The following PCDH17 variants were observed in gnomAD, a reference collection of about 807,000 sequenced individuals.
PCDH17 encodes protocadherin 17.
In PCDH17, 21 loss-of-function variants were observed where a neutral mutation model predicts 67.7. The observed-to-expected ratio is 0.31, with a 90% CI of 0.22 to 0.45. The LOEUF is 0.45. Among genes scored for constraint, PCDH17 ranks in the 20% least tolerant of loss-of-function variants. The probability of loss-of-function intolerance (pLI) is 1.00; values close to 1 mark genes in which losing one functional copy is unlikely to be tolerated. For synonymous variants in PCDH17, 701 were observed against 656.7 expected, an observed-to-expected ratio of 1.07 and a Z score of -1.03; for missense variants, 1,471 against 1,564.8, an observed-to-expected ratio of 0.94 and a Z score of 1.01.
chr13:57,725,525 A>G lies in PCDH17; in HGVS notation c.*231A>G. On this transcript the variant is annotated 3_prime_UTR_variant, in exon 4 of 4. Coordinates refer to ENST00000377918, the MANE Select transcript of PCDH17 (RefSeq NM_001040429.3). Reference sequence around the variant, plus strand: ...AACTTGTATTAGGACAGAATTAATGATGCTTAAAGAGAAAAGAAAAAAAGA... The same window carrying G: ...AACTTGTATTAGGACAGAATTAATGGTGCTTAAAGAGAAAAGAAAAAAAGA... The G allele has an allele frequency of 2.3e-6, 1 of 441,830 alleles. No homozygotes were observed. Among genetic ancestry groups the G allele is most frequent in the South Asian group, 4.9e-5 (1 of 20,272 alleles). The allele number at this position is 441,830 out of a possible 1,614,324, so 27.4% of individuals were successfully genotyped here. A position where few individuals can be genotyped will look rare whatever the true frequency, so the allele number is the denominator to read the frequency against.
chr13:57,654,743 T>C (rs1385767361), intron 1 of PCDH17, among the ~76,000 whole-genome samples: 2 of 152,058 alleles, frequency 1.3e-5, no homozygotes, highest in African/African-American at 4.8e-5. Flanking sequence ...ATTTGAGGTA[T>C]AAATGTCTAC....
chr13:57,639,884 T>C (rs1954869217), intron 1 of PCDH17, among the ~76,000 whole-genome samples: 1 of 151,964 alleles, frequency 6.6e-6, no homozygotes, highest in African/African-American at 2.4e-5. Flanking sequence ...TGAGAAAATT[T>C]ACATTACCAC....
At chr13:57,649,584 C>T (rs181448907) in intron 1 of PCDH17, among the ~76,000 whole-genome samples, 1 of 152,184 alleles carries the variant, frequency 6.6e-6, no homozygotes, top group African/African-American at 2.4e-5. Flanking sequence ...TGTCATTTGA[C>T]ATAAAATTAT....
chr13:57,694,361 T>A (rs1955587074), intron 3 of PCDH17, among the ~76,000 whole-genome samples: 1 of 151,160 alleles, frequency 6.6e-6, no homozygotes, highest in Non-Finnish European at 1.5e-5. Flanking sequence ...AAAGAGCAAT[T>A]GTTAGAATCC....
At chr13:57,682,503 T>A (rs1198118320) in intron 3 of PCDH17, among the ~76,000 whole-genome samples, 1 of 151,790 alleles carries the variant, frequency 6.6e-6, no homozygotes, top group Non-Finnish European at 1.5e-5. Flanking sequence ...ACTTTTAACC[T>A]TGGCCAACAA....
Position 57,728,472 on chromosome 13 carries a change from T to C in PCDH17, c.*3178T>C, listed in dbSNP as rs1182631090. 7.5e-6 allele frequency: 1 copy of C among 134,128 alleles called. No homozygotes were observed. The highest frequency in any genetic ancestry group is 1.6e-5 in the Non-Finnish European group (1 of 63,916). 8.3% of individuals were successfully genotyped at this position (134,128 alleles called of 1,614,324 possible). On this transcript the variant is annotated 3_prime_UTR_variant, in exon 4 of 4. Transcript: ENST00000377918. ...AGAAAAAAAAATCACTTCATGGAAA[T>C]TTCAGTAAGAAACCCAAACTTCTAA...
chr13:57,648,539 T>G (rs1325437276), intron 1 of PCDH17, among the ~76,000 whole-genome samples: 1 of 151,946 alleles, frequency 6.6e-6, no homozygotes, highest in East Asian at 1.9e-4. Context: ...GGAACAAAAT[T>G]TGAATAAATA....
chr13:57,651,316 A>C (rs145779916), intron 1 of PCDH17, among the ~76,000 whole-genome samples: 1 of 151,918 alleles, frequency 6.6e-6, no homozygotes, highest in African/African-American at 2.4e-5. Flanking sequence ...GGATATATTA[A>C]AATTCAGTTA....
chr13:57,673,586 T>A (rs2138035092), intron 3 of PCDH17, among the ~76,000 whole-genome samples: 1 of 152,062 alleles, frequency 6.6e-6, no homozygotes, highest in Non-Finnish European at 1.5e-5. Context: ...TTAAAAGAAA[T>A]GCTGCTGCAA....
intron 1 of PCDH17, among the ~76,000 whole-genome samples, chr13:57,650,218 T>TGTG (rs1955018327): frequency 7.3e-6 from 1 of 137,480 alleles, no homozygotes. Flanking sequence ...GGACCCTTGA[T>TGTG]TGTGTGTGTG....
At chr13:57,711,380 C>G (rs1253808523) in intron 3 of PCDH17, among the ~76,000 whole-genome samples, 1 of 151,778 alleles carries the variant, frequency 6.6e-6, no homozygotes, top group Non-Finnish European at 1.5e-5. Context: ...TAAATTAAGC[C>G]TTATTTTATG....
chr13:57,686,168 T>C (rs367589831), intron 3 of PCDH17, among the ~76,000 whole-genome samples: 1 of 152,066 alleles, frequency 6.6e-6, no homozygotes, highest in African/African-American at 2.4e-5. Flanking sequence ...TTGTGACAAA[T>C]GTACCATGCA....
intron 3 of PCDH17, among the ~76,000 whole-genome samples, chr13:57,703,553 A>G (rs2138078756): frequency 6.6e-6 from 1 of 152,214 alleles, no homozygotes; most frequent in Middle Eastern, 3.4e-3. Flanking sequence ...ACTTTCTATT[A>G]TGTTTTATTG....
chr13:57,718,672 AT>A lies in PCDH17; in HGVS notation c.2798-5938del, dbSNP rs1955845556. Among the ~76,000 whole-genome samples, 3 of 152,150 alleles carry A rather than the reference AT, an allele frequency of 2.0e-5. No individual in the cohort carries two copies. In the East Asian group the frequency reaches 5.8e-4, roughly 29 times the overall value. Reference sequence around the variant, plus strand: ...AGTGTCAGTTCACAGGATGTTGTAAATTATGTCAACTCACTGAAAGAAAAAT... The same window carrying A: ...AGTGTCAGTTCACAGGATGTTGTAAATATGTCAACTCACTGAAAGAAAAAT... On this transcript the variant is annotated intron_variant, in intron 3 of 3. Coordinates refer to ENST00000377918, the MANE Select transcript of PCDH17 (RefSeq NM_001040429.3).
intron 3 of PCDH17, among the ~76,000 whole-genome samples, chr13:57,711,379 C>T (rs1019272558): frequency 2.1e-4 from 32 of 151,844 alleles, no homozygotes; most frequent in African/African-American, 6.7e-4. Context: ...GTAAATTAAG[C>T]CTTATTTTAT....
In PCDH17 at chr13:57,633,304, C is replaced by G; in HGVS notation, c.758C>G (p.Pro253Arg). ...GCGCCATCCTACTTGGTGGAACTGC[C>G]CGAGAACGCTCCGCTGGGTACAGTG... ...FEAPSYLVEL[P>R]ENAPLGTVVI... The change falls in exon 1 of 4, where the codon CCC (proline) becomes CGC (arginine). Residue 253 changes from proline to arginine, a missense_variant. Physicochemically the swap from Pro to Arg is moderately radical, Grantham distance 103 (BLOSUM62 -2). Coordinates refer to ENST00000377918, the MANE Select transcript of PCDH17 (RefSeq NM_001040429.3). The surrounding 1 kb of genome is among the most constrained non-coding windows in gnomAD (Gnocchi z 6.2). 1 of 1,613,280 alleles carries G rather than the reference C, an allele frequency of 6.2e-7. No individual in the cohort carries two copies. The highest frequency in any genetic ancestry group is 1.1e-5 in the South Asian group (1 of 91,084).
At chr13:57,722,629 A>G (rs1955880388) in intron 3 of PCDH17, among the ~76,000 whole-genome samples, 1 of 152,056 alleles carries the variant, frequency 6.6e-6, no homozygotes, top group South Asian at 2.1e-4. Flanking sequence ...TTACTTATTT[A>G]TTTTGAGACA....
chr13:57,699,140 G>A (rs1465625606), intron 3 of PCDH17, among the ~76,000 whole-genome samples: 1 of 151,784 alleles, frequency 6.6e-6, no homozygotes, highest in East Asian at 1.9e-4. Flanking sequence ...TCAGCTTGTA[G>A]TATTTTAATG....
chr13:57,666,545 C>T lies in PCDH17; in HGVS notation c.2624+19C>T. The T allele has an allele frequency of 4.3e-6, 7 of 1,612,514 alleles. No individual in the cohort carries two copies. The highest frequency in any genetic ancestry group is 5.1e-6 in the Non-Finnish European group (6 of 1,178,678). On this transcript the variant is annotated intron_variant, in intron 2 of 3. Transcript: ENST00000377918. ...TTCAAAGGTAAGGCCTATTAAATAA[C>T]TTTTCTCAGCTTCCCCATTTGCATT...
Sources: gnomAD v4.1 joint callset for allele counts (sites outside exome capture counted in the v4.1 genomes callset) on GRCh38, gnomAD v4.1.1 for gene constraint, Gnocchi (gnomAD v3.1) non-coding constraint, MANE v1.5 for transcripts, NCBI Gene and HGNC (gene_info 2026-07-23, HGNC 2026-07-21) for gene names.